Variants in HLCS observed in about 807,000 individuals in gnomAD.
The protein encoded by HLCS is biotin--protein ligase.
Under a neutral mutation model 75.0 loss-of-function variants are expected in HLCS, and 53 were observed. That is an observed-to-expected ratio of 0.71 (90% CI 0.57 to 0.89). The LOEUF (loss-of-function observed/expected upper bound fraction) is 0.89. HLCS is among the 40% of genes least tolerant of loss of function. HLCS has a pLI of 0.00. For missense variants in HLCS, 966 were observed against 1,074.0 expected, an observed-to-expected ratio of 0.90 and a Z score of 1.41; for synonymous variants, 431 against 428.6, an observed-to-expected ratio of 1.01 and a Z score of -0.07.
At chr21:36,834,662 TCTCCTGCCTCAGC>T (rs2062343356) in intron 6 of HLCS, among the ~76,000 whole-genome samples, 1 of 151,886 alleles carries the variant, frequency 6.6e-6, no homozygotes, top group Admixed American at 6.6e-5. Context: ...TTCAAGCGAG[TCTCCTGCCTCAGC>T]CTCCTGTGTA....
At chr21:36,909,689 C>A (rs991777928) in intron 5 of HLCS, among the ~76,000 whole-genome samples, 1 of 152,162 alleles carries the variant, frequency 6.6e-6, no homozygotes, top group Admixed American at 6.6e-5. Context: ...AACTCCTGGG[C>A]TCAAGCAATC....
intron 6 of HLCS, among the ~76,000 whole-genome samples, chr21:36,801,134 T>G (rs1287564039): frequency 6.6e-6 from 1 of 152,198 alleles, no homozygotes; most frequent in Non-Finnish European, 1.5e-5. Context: ...CAGCTGAACA[T>G]ATTTATGTAG....
In HLCS at chr21:36,880,423, C is replaced by T. The variant is rs1327914952; in HGVS notation, c.1892+16437G>A. On this transcript the variant is annotated intron_variant, in intron 6 of 10. Coordinates refer to ENST00000674895, the MANE Select transcript of HLCS (RefSeq NM_001352514.2). ...CAAAAACAAATTCTAAAAGTAGCTC[C>T]ACATCAGAGATTCACAGCCCAGGTT... Among the ~76,000 whole-genome samples the T allele has an allele frequency of 2.6e-5, 4 of 152,024 alleles. No homozygotes were observed. The East Asian group carries it at 7.7e-4, about 29-fold the overall frequency.
intron 6 of HLCS, chr21:36,896,580 A>T: frequency 2.1e-6 from 1 of 479,390 alleles, no homozygotes; most frequent in South Asian, 2.3e-5. Flanking sequence ...TTTTTTCATA[A>T]TATTCGTTTA....
At chr21:36,759,871 C>G (rs2073420) in intron 8 of HLCS, 30 bp from the exon 9 acceptor site, 2 of 1,397,516 alleles carry the variant, frequency 1.4e-6, no homozygotes, top group African/African-American at 2.8e-5. Context: ...TTAATTAAGC[C>G]GTCACAGGAC....
chr21:36,982,743 C>G (rs1366230347), intron 1 of HLCS, among the ~76,000 whole-genome samples: 38 of 152,128 alleles, frequency 2.5e-4, no homozygotes, highest in Admixed American at 2.5e-3. Context: ...CTTAAAAACT[C>G]TGGCAGGCCA....
At chr21:36,874,711 T>C (rs2063900677) in intron 6 of HLCS, among the ~76,000 whole-genome samples, 1 of 152,100 alleles carries the variant, frequency 6.6e-6, no homozygotes, top group Admixed American at 6.5e-5. Flanking sequence ...ATGGGGGAGG[T>C]GTGGCCAGGG....
At chr21:36,771,219 C>CAAATAAATAAATAAATAAATAAAT (rs749446913) in intron 6 of HLCS, among the ~76,000 whole-genome samples, 25 of 142,316 alleles carry the variant, frequency 1.8e-4, no homozygotes, top group African/African-American at 4.8e-4. Flanking sequence ...GACTCCGTCT[C>CAAATAAATAAATAAATAAATAAAT]AAATAAATAA....
chr21:36,794,104 G>A (rs77346388), intron 6 of HLCS, among the ~76,000 whole-genome samples: 3,233 of 152,318 alleles, frequency 0.021, 46 homozygotes, highest in Middle Eastern at 0.065. Context: ...CCAAAGAGGC[G>A]ATCTCTGAGC....
chr21:36,839,241 A>G (rs900102713), intron 6 of HLCS, among the ~76,000 whole-genome samples: 1 of 152,244 alleles, frequency 6.6e-6, no homozygotes, highest in African/African-American at 2.4e-5. Flanking sequence ...CACTTCATGA[A>G]AAAATGACAC....
intron 6 of HLCS, among the ~76,000 whole-genome samples, chr21:36,827,820 T>TC (rs1454770687): frequency 6.7e-6 from 1 of 149,160 alleles, no homozygotes; most frequent in Non-Finnish European, 1.5e-5. Context: ...TTTCTTTCTT[T>TC]TTTTTTTTTT....
Position 36,750,459 on chromosome 21 carries a change from C to T in HLCS, c.*3787G>A, listed in dbSNP as rs1326089845. On this transcript the variant is annotated 3_prime_UTR_variant, in exon 11 of 11. Transcript: ENST00000674895. Reference sequence around the variant, plus strand: ...GCAGCGCGGAGGGTATCTGCAAGAGCCTGTATTTTCCGCCTCCCTTGCCCC... The same window carrying T: ...GCAGCGCGGAGGGTATCTGCAAGAGTCTGTATTTTCCGCCTCCCTTGCCCC... 6.6e-6 allele frequency among the ~76,000 whole-genome samples: 1 copy of T among 152,184 alleles called. No individual in the cohort carries two copies. The highest frequency in any genetic ancestry group is 2.4e-5 in the African/African-American group (1 of 41,442).
Position 36,937,008 on chromosome 21 carries a change from G to A in HLCS, c.878C>T (p.Thr293Ile), listed in dbSNP as rs752929132. ...TCTCCTCCCTTCTCTTTCGGGGGAGGTCTCATCAGCAACACTCTCCAAACT... is the reference window on the plus strand; with the variant it reads ...TCTCCTCCCTTCTCTTTCGGGGGAGATCTCATCAGCAACACTCTCCAAACT... ...SSSLESVADE[T>I]SPEREGRRVN... Residue 293 changes from threonine (T) to isoleucine (I), a missense_variant, in exon 4 of 11, where the codon ACC (threonine) becomes ATC (isoleucine). By Grantham distance (89) the Thr-to-Ile change is moderately conservative (BLOSUM62 -1). Transcript: ENST00000674895. The A allele has an allele frequency of 1.9e-6, 3 of 1,614,066 alleles. No homozygotes were observed. The highest frequency in any genetic ancestry group is 2.2e-5 in the East Asian group (1 of 44,860).
chr21:36,961,942 A>T (rs2068313334), intron 2 of HLCS, 94 bp downstream of exon 2: 1 of 752,446 alleles, frequency 1.3e-6, no homozygotes. Context: ...TGACAGAGCA[A>T]GACTCTGTCT....
chr21:36,817,920 A>T (rs565993968), intron 6 of HLCS, among the ~76,000 whole-genome samples: 3 of 152,208 alleles, frequency 2.0e-5, no homozygotes, highest in Admixed American at 2.0e-4. Flanking sequence ...AAGGGTCACA[A>T]TGAAAAGGCA....
chr21:36,905,447 A>C (rs1451068158), intron 5 of HLCS, among the ~76,000 whole-genome samples: 1 of 152,194 alleles, frequency 6.6e-6, no homozygotes, highest in Non-Finnish European at 1.5e-5. Context: ...TTCCACTTCA[A>C]GGGGGTTTAT....
At chr21:36,793,601 G>A (rs1429401078) in intron 6 of HLCS, among the ~76,000 whole-genome samples, 1 of 152,072 alleles carries the variant, frequency 6.6e-6, no homozygotes, top group Non-Finnish European at 1.5e-5. Context: ...CGCCCAGCCA[G>A]GATGCAATCT....
intron 1 of HLCS, among the ~76,000 whole-genome samples, chr21:36,965,940 T>G (rs73196024): frequency 6.6e-6 from 1 of 152,112 alleles, no homozygotes; most frequent in Non-Finnish European, 1.5e-5. Context: ...TTTTGTTTTT[T>G]GTAGAGAGGG....
intron 8 of HLCS, among the ~76,000 whole-genome samples, chr21:36,760,380 G>C (rs1328589445): frequency 6.6e-6 from 1 of 152,160 alleles, no homozygotes; most frequent in African/African-American, 2.4e-5. Context: ...GGAGGCTGAG[G>C]CGGGCGGATC....
Sources: allele counts gnomAD v4.1 joint callset (sites outside exome capture counted in the v4.1 genomes callset), GRCh38; gene constraint gnomAD v4.1.1; transcripts MANE v1.5; gene names NCBI Gene and HGNC (gene_info 2026-07-23, HGNC 2026-07-21).